Variants in UMAD1 observed in about 807,000 individuals in gnomAD.
UMAD1 encodes UBAP1-MVB12-associated (UMA)-domain containing protein 1.
A neutral mutation model predicts 6.1 loss-of-function variants in UMAD1; 8 were observed. The observed-to-expected ratio is 1.30, with a 90% CI of 0.76 to 2.35. The LOEUF is 2.35. UMAD1 is among the 30% of genes most tolerant of loss of function. UMAD1 has a pLI of 0.00. For synonymous variants in UMAD1, 56 were observed against 31.4 expected (o/e 1.78, Z -2.61); for missense variants, 130 against 78.4 (o/e 1.66, Z -2.49).
At chr7:7,659,458 C>G (rs922401282) in intron 1 of UMAD1, among the ~76,000 whole-genome samples, 1 of 152,154 alleles carries the variant, frequency 6.6e-6, no homozygotes, top group African/African-American at 2.4e-5. Flanking sequence ...ATAAATTTTC[C>G]TCTAAACACT....
In UMAD1 at chr7:7,847,092, AAAAAAAAAAAAAATATATATATAT is replaced by A. The variant is rs1418593830; in HGVS notation, c.157-30187_157-30164del. Among the ~76,000 whole-genome samples, 12 of 29,242 alleles carry A rather than the reference AAAAAAAAAAAAAATATATATATAT, an allele frequency of 4.1e-4. 1 individual carries two copies. The highest frequency in any genetic ancestry group is 2.3e-3 in the African/African-American group (10 of 4,362). The allele number at this position is 29,242 out of a possible 152,430, so 19.2% of individuals were successfully genotyped here. On this transcript the variant is annotated intron_variant, in intron 3 of 3. Coordinates refer to ENST00000682710, the MANE Select transcript of UMAD1 (RefSeq NM_001302348.2). ...AAAAAAAAAAGACAGCAATGCAAAA[AAAAAAAAAAAAAATATATATATAT>A]ATATATATATATATATATATATATA...
At chr7:7,731,474 A>G (rs1781252088) in intron 2 of UMAD1, among the ~76,000 whole-genome samples, 1 of 140,372 alleles carries the variant, frequency 7.1e-6, no homozygotes, top group African/African-American at 2.7e-5. Context: ...AGGAAAAGCA[A>G]ACAAACAACC....
In UMAD1 at chr7:7,806,009, A is replaced by G. The variant is rs143065391; in HGVS notation, c.156+4266A>G. Among the ~76,000 whole-genome samples, 364 of 152,330 alleles carry G rather than the reference A, an allele frequency of 2.4e-3. 3 individuals are homozygous for G. The highest frequency in any genetic ancestry group is 8.3e-3 in the African/African-American group (345 of 41,572). The stretch of plus-strand genomic sequence containing the variant: ...CCCAATAAGTACTTGCTAACTGATC[A>G]TCTAGATTTTATTTAATGTCTTTGT... On this transcript the variant is annotated intron_variant, in intron 3 of 3. Coordinates refer to ENST00000682710, the MANE Select transcript of UMAD1 (RefSeq NM_001302348.2).
intron 2 of UMAD1, among the ~76,000 whole-genome samples, chr7:7,727,319 C>T (rs2348557): frequency 0.31 from 47,622 of 152,076 alleles, 7,863 homozygotes; most frequent in African/African-American, 0.43. Flanking sequence ...CATATCAACC[C>T]TTAAGTATTG....
At chr7:7,669,618 G>A (rs1419906018) in intron 1 of UMAD1, among the ~76,000 whole-genome samples, 1 of 152,176 alleles carries the variant, frequency 6.6e-6, no homozygotes, top group Non-Finnish European at 1.5e-5. Context: ...ATCAGCAGCA[G>A]TATTGATCAT....
At chr7:7,779,308 G>A (rs1043927241) in intron 2 of UMAD1, among the ~76,000 whole-genome samples, 2 of 151,848 alleles carry the variant, frequency 1.3e-5, no homozygotes, top group African/African-American at 4.8e-5. Context: ...AGATAGTCTA[G>A]CTCTGTCACC....
intron 2 of UMAD1, among the ~76,000 whole-genome samples, chr7:7,681,683 C>T (rs141782846): frequency 1.4e-3 from 209 of 152,094 alleles, no homozygotes; most frequent in African/African-American, 4.9e-3. Context: ...CACTGGGTGG[C>T]GATTTTTCAT....
chr7:7,769,997 G>T (rs1381184227), intron 2 of UMAD1, among the ~76,000 whole-genome samples: 1 of 152,122 alleles, frequency 6.6e-6, no homozygotes, highest in African/African-American at 2.4e-5. Flanking sequence ...TCAGTGCTCA[G>T]GATGACTTTT....
intron 3 of UMAD1, among the ~76,000 whole-genome samples, chr7:7,808,537 G>A (rs954155520): frequency 2.0e-5 from 3 of 151,928 alleles, no homozygotes; most frequent in Non-Finnish European, 2.9e-5. Flanking sequence ...GTTAGTTTTA[G>A]TTTTTAATAT....
rs572840499 is a variant in UMAD1, at chr7:7,731,189, G to T, written c.82+57736G>T. ...AATTTTTGTATTTTCAGTAGAGAGG[G>T]GGGGGTTCCACCATGTTGGCCAGGA... On this transcript the variant is annotated intron_variant, in intron 2 of 3. Transcript: ENST00000682710. Among the ~76,000 whole-genome samples the T allele has an allele frequency of 1.5e-4, 23 of 152,152 alleles. No homozygotes were observed. In the South Asian group the frequency reaches 3.3e-3, roughly 22 times the overall value.
intron 2 of UMAD1, among the ~76,000 whole-genome samples, chr7:7,757,961 T>G (rs1363006175): frequency 6.6e-6 from 1 of 152,148 alleles, no homozygotes; most frequent in Non-Finnish European, 1.5e-5. Context: ...GGGGTAGGGG[T>G]CACTCATAAA....
chr7:7,867,704 G>C (rs865942135), intron 3 of UMAD1, among the ~76,000 whole-genome samples: 5 of 152,112 alleles, frequency 3.3e-5, no homozygotes, highest in Admixed American at 6.5e-5. Flanking sequence ...TGCCAACAAT[G>C]GTCTCAGCCT....
rs61323336 is a variant in UMAD1 at position 7,679,393 on chromosome 7, A to G, written c.82+5940A>G. ...TAGATAATATATATTTATATATTTA[A>G]TTTATAGATAATATATATTTATATA... On this transcript the variant is annotated intron_variant, in intron 2 of 3. Coordinates refer to ENST00000682710, the MANE Select transcript of UMAD1 (RefSeq NM_001302348.2). Among the ~76,000 whole-genome samples the G allele has an allele frequency of 4.3e-4, 4 of 9,384 alleles. 1 individual carries two copies. The highest frequency in any genetic ancestry group is 5.7e-4 in the Non-Finnish European group (4 of 6,994). 6.2% of individuals were successfully genotyped at this position (9,384 alleles called of 152,430 possible).
chr7:7,814,244 G>T (rs569097780), intron 3 of UMAD1, among the ~76,000 whole-genome samples: 4 of 152,204 alleles, frequency 2.6e-5, no homozygotes, highest in Non-Finnish European at 4.4e-5. Context: ...TCAGCCTCCT[G>T]AAGTGCTGGG....
At chr7:7,736,741 A>T (rs1333684694) in intron 2 of UMAD1, 1 of 152,244 alleles carries the variant, frequency 6.6e-6, no homozygotes, top group Non-Finnish European at 1.5e-5. Flanking sequence ...CTGAGAAAAT[A>T]AGAAGCAACA....
rs180950010 is a variant in UMAD1, at chr7:7,782,502, A to T, written c.83-19168A>T. Among the ~76,000 whole-genome samples the T allele has an allele frequency of 1.2e-3, 175 of 151,396 alleles. 1 individual carries two copies. Among genetic ancestry groups the T allele is most frequent in the African/African-American group, 4.0e-3 (164 of 41,340 alleles). ...ATGCTATTGCATAGATAATAAAATA[A>T]TTTTTTATCAGTTTACTTTCAATTT... On this transcript the variant is annotated intron_variant, in intron 2 of 3. Coordinates refer to ENST00000682710, the MANE Select transcript of UMAD1 (RefSeq NM_001302348.2).
intron 2 of UMAD1, among the ~76,000 whole-genome samples, chr7:7,756,707 G>A (rs1208177436): frequency 1.3e-5 from 2 of 152,126 alleles, no homozygotes; most frequent in Non-Finnish European, 2.9e-5. Context: ...TTCCCGTTTG[G>A]TTAGCACTTT....
chr7:7,818,761 T>G (rs925243216), intron 3 of UMAD1, among the ~76,000 whole-genome samples: 16 of 152,206 alleles, frequency 1.1e-4, no homozygotes, highest in Non-Finnish European at 2.1e-4. Context: ...GGAATCAACC[T>G]CCATGCCCAT....
intron 3 of UMAD1, among the ~76,000 whole-genome samples, chr7:7,842,482 A>C (rs1346318582): frequency 1.3e-5 from 2 of 152,060 alleles, no homozygotes; most frequent in Non-Finnish European, 2.9e-5. Context: ...CCAACTTGTG[A>C]TTGTGATCTG....
Sources: gnomAD v4.1 joint callset for allele counts (sites outside exome capture counted in the v4.1 genomes callset) on GRCh38, gnomAD v4.1.1 for gene constraint, MANE v1.5 for transcripts, NCBI Gene and HGNC (gene_info 2026-07-23, HGNC 2026-07-21) for gene names.